CNTN4: variants seen among roughly 807,000 people sequenced by gnomAD.
The protein encoded by CNTN4 is contactin-4.
In CNTN4, 77 loss-of-function variants were observed where a neutral mutation model predicts 122.5. The observed-to-expected ratio is 0.63, with a 90% CI of 0.52 to 0.76. The LOEUF is 0.76. Ranked by LOEUF, CNTN4 falls within the 30% of genes least tolerant of loss-of-function variation. CNTN4 has a pLI of 0.00. For missense variants in CNTN4, 1,256 were observed against 1,259.1 expected, an observed-to-expected ratio of 1.00 and a Z score of 0.04; for synonymous variants, 512 against 447.0, an observed-to-expected ratio of 1.15 and a Z score of -1.83.
chr3:2,136,436 G>A (rs941579863), intron 2 of CNTN4, among the ~76,000 whole-genome samples: 6 of 152,116 alleles, frequency 3.9e-5, no homozygotes, highest in Admixed American at 6.6e-5. Flanking sequence ...AAGTGATATA[G>A]CCAACTAATA....
chr3:2,663,177 AT>A (rs1266309017), intron 4 of CNTN4, among the ~76,000 whole-genome samples: 1 of 152,180 alleles, frequency 6.6e-6, no homozygotes, highest in Non-Finnish European at 1.5e-5. Flanking sequence ...AGGAGCTTGT[AT>A]TTTACTTTTT....
chr3:2,731,939 C>T (rs2088715705), intron 4 of CNTN4, among the ~76,000 whole-genome samples: 1 of 152,162 alleles, frequency 6.6e-6, no homozygotes, highest in Non-Finnish European at 1.5e-5. Flanking sequence ...TCACAATTAG[C>T]TTCTGGAGTT....
At chr3:2,531,978 T>G (rs1254517695) in intron 3 of CNTN4, among the ~76,000 whole-genome samples, 1 of 152,176 alleles carries the variant, frequency 6.6e-6, no homozygotes, top group East Asian at 1.9e-4. Flanking sequence ...AGCATTACAG[T>G]GCTAAAGAAT....
At position 3,056,186 on chromosome 3, in the gene CNTN4, T is replaced by A. The variant is rs1353912747; in HGVS notation, c.3047T>A (p.Ile1016Lys). 6.2e-7 allele frequency: 1 copy of A among 1,614,144 alleles called. No individual in the cohort carries two copies. Among genetic ancestry groups the A allele is most frequent in the Admixed American group, 1.7e-5 (1 of 60,032 alleles). The change falls in exon 25 of 25, where the codon ATA (isoleucine) becomes AAA (lysine). Residue 1016 changes from isoleucine to lysine, a missense_variant. Physicochemically the swap from Ile to Lys is moderately radical, Grantham distance 102. Coordinates refer to ENST00000418658, the MANE Select transcript of CNTN4 (RefSeq NM_175607.3). ...TGTACGCTGTCAGCCATCAGTACAATAATGATTTCCCTCACAGCTAGGTCC... is the reference window on the plus strand; with the variant it reads ...TGTACGCTGTCAGCCATCAGTACAAAAATGATTTCCCTCACAGCTAGGTCC... ...NACTLSAIST[I>K]MISLTARSSL
intron 4 of CNTN4, among the ~76,000 whole-genome samples, chr3:2,613,697 A>G (rs2081594948): frequency 6.6e-6 from 1 of 152,152 alleles, no homozygotes; most frequent in African/African-American, 2.4e-5. Flanking sequence ...CTCAACTCTA[A>G]TATCAATATT....
At chr3:2,427,239 T>G (rs1404275905) in intron 3 of CNTN4, among the ~76,000 whole-genome samples, 4 of 152,212 alleles carry the variant, frequency 2.6e-5, no homozygotes, top group African/African-American at 9.7e-5. Flanking sequence ...ACACACTGCT[T>G]TAAATGGGTG....
At chr3:2,183,208 A>G (rs2037097736) in intron 2 of CNTN4, among the ~76,000 whole-genome samples, 1 of 151,646 alleles carries the variant, frequency 6.6e-6, no homozygotes. Context: ...TATACATGAT[A>G]TGACAGCCGT....
At chr3:3,051,666 C>T (rs888088576) in intron 23 of CNTN4, among the ~76,000 whole-genome samples, 2 of 152,114 alleles carry the variant, frequency 1.3e-5, no homozygotes, top group Admixed American at 6.5e-5. Flanking sequence ...ACTGATGCTG[C>T]GGAGAAGAAG....
At chr3:2,365,030 C>T (rs553620680) in intron 3 of CNTN4, among the ~76,000 whole-genome samples, 15 of 152,242 alleles carry the variant, frequency 9.9e-5, no homozygotes, top group African/African-American at 2.9e-4. Context: ...GTGTGTATTT[C>T]ACCTGGTAAC....
intron 2 of CNTN4, among the ~76,000 whole-genome samples, chr3:2,301,392 A>G (rs1379034717): frequency 6.6e-6 from 1 of 152,198 alleles, no homozygotes; most frequent in Non-Finnish European, 1.5e-5. Context: ...AACACAATAA[A>G]TGCCAGAGGA....
chr3:2,574,826 G>A (rs934751764), intron 4 of CNTN4, among the ~76,000 whole-genome samples: 3 of 151,942 alleles, frequency 2.0e-5, no homozygotes, highest in South Asian at 2.1e-4. Flanking sequence ...ACTCCTTTGT[G>A]ACAAGTCTCC....
intron 2 of CNTN4, among the ~76,000 whole-genome samples, chr3:2,295,839 T>A (rs763478759): frequency 2.0e-5 from 3 of 152,208 alleles, no homozygotes; most frequent in Non-Finnish European, 4.4e-5. Flanking sequence ...TAATCCATCT[T>A]GAATTAATTT....
At chr3:2,831,528 G>A (rs1368785089) in intron 7 of CNTN4, among the ~76,000 whole-genome samples, 1 of 152,150 alleles carries the variant, frequency 6.6e-6, no homozygotes, top group Non-Finnish European at 1.5e-5. Context: ...ACAAAACAAT[G>A]GGCAGCCACT....
chr3:2,856,722 A>G (rs932046384), intron 7 of CNTN4, among the ~76,000 whole-genome samples: 1 of 152,196 alleles, frequency 6.6e-6, no homozygotes. Flanking sequence ...CAGCCTCCCT[A>G]AAGTTTTGCA....
chr3:2,341,831 A>G (rs1339084977), intron 3 of CNTN4, among the ~76,000 whole-genome samples: 2 of 152,244 alleles, frequency 1.3e-5, no homozygotes, highest in East Asian at 1.9e-4. Context: ...AAAAGAAATC[A>G]TAATAACTTT....
At chr3:2,673,035 G>A (rs1468771041) in intron 4 of CNTN4, among the ~76,000 whole-genome samples, 1 of 152,102 alleles carries the variant, frequency 6.6e-6, no homozygotes, top group Admixed American at 6.5e-5. Flanking sequence ...AAATATTTTT[G>A]TACTTGTCTA....
chr3:2,650,660 A>G (rs2083320132), intron 4 of CNTN4, among the ~76,000 whole-genome samples: 1 of 152,238 alleles, frequency 6.6e-6, no homozygotes, highest in South Asian at 2.1e-4. Flanking sequence ...GTCAGCAGCC[A>G]TCTTAATCGA....
intron 3 of CNTN4, among the ~76,000 whole-genome samples, chr3:2,484,790 C>T (rs989006718): frequency 6.6e-6 from 1 of 152,240 alleles, no homozygotes; most frequent in African/African-American, 2.4e-5. Context: ...CGCACCTCCT[C>T]AGCCTCTGCG....
At chr3:2,202,008 A>G (rs1474464167) in intron 2 of CNTN4, among the ~76,000 whole-genome samples, 1 of 152,140 alleles carries the variant, frequency 6.6e-6, no homozygotes, top group Non-Finnish European at 1.5e-5. Context: ...ACAGGAGGCT[A>G]TTTTTAGTAT....
Sources: gnomAD v4.1 joint callset for allele counts (sites outside exome capture counted in the v4.1 genomes callset) on GRCh38, gnomAD v4.1.1 for gene constraint, MANE v1.5 for transcripts, NCBI Gene and HGNC (gene_info 2026-07-23, HGNC 2026-07-21) for gene names.